The following PAN3 variants were observed in gnomAD, a reference collection of about 807,000 sequenced individuals.
PAN3 encodes PAN2-PAN3 deadenylation complex subunit PAN3.
In PAN3, 19 loss-of-function variants were observed where a neutral mutation model predicts 96.2. The ratio of observed to expected loss-of-function variants is 0.20; its 90% CI spans 0.14 to 0.29. The LOEUF (loss-of-function observed/expected upper bound fraction) is 0.29. Ranked by LOEUF, PAN3 falls within the 10% of genes least tolerant of loss-of-function variation. PAN3 has a pLI of 1.00. For missense variants in PAN3, 882 were observed against 1,108.1 expected (o/e 0.80, Z 2.90); for synonymous variants, 433 against 406.6 (o/e 1.06, Z -0.78).
chr13:28,139,514 T>TTGTGTGTGTGTGTGTGTGTGTGTGTGTG (rs10577740), intron 1 of PAN3, among the ~76,000 whole-genome samples: 1 of 93,100 alleles, frequency 1.1e-5, no homozygotes, highest in African/African-American at 5.2e-5. Flanking sequence ...AGGGGTGTGT[T>TTGTGTGTGTGTGTGTGTGTGTGTGTGTG]TGTGTGTGTG....
At chr13:28,267,568 G>A (rs932507364) in intron 12 of PAN3, among the ~76,000 whole-genome samples, 167 bp downstream of exon 12, 21 of 152,104 alleles carry the variant, frequency 1.4e-4, no homozygotes, top group African/African-American at 4.6e-4. Context: ...AGACATACCC[G>A]AGACTGGGCA....
intron 1 of PAN3, among the ~76,000 whole-genome samples, chr13:28,149,734 G>A (rs1871123701): frequency 6.6e-6 from 1 of 152,082 alleles, no homozygotes; most frequent in South Asian, 2.1e-4. Context: ...TCTTGCCTCA[G>A]CCTCCTTAGT....
chr13:28,152,873 A>G (rs1360400042), intron 1 of PAN3, among the ~76,000 whole-genome samples: 1 of 152,216 alleles, frequency 6.6e-6, no homozygotes, highest in Non-Finnish European at 1.5e-5. Flanking sequence ...TTTCAAGTTG[A>G]TAAGAGCACA....
chr13:28,280,393 C>A lies in PAN3; in HGVS notation c.2190-19C>A. 6.3e-7 allele frequency: 1 copy of A among 1,589,246 alleles called. No homozygotes were observed. Among genetic ancestry groups the A allele is most frequent in the Non-Finnish European group, 8.6e-7 (1 of 1,168,712 alleles). Reference sequence around the variant, plus strand: ...TTGCATGTTGGACATCCAAGTAATTCCTCTTTTATCTTGGGTAGGTATTTG... The same window carrying A: ...TTGCATGTTGGACATCCAAGTAATTACTCTTTTATCTTGGGTAGGTATTTG... On this transcript the variant is annotated intron_variant, in intron 15 of 18. Coordinates refer to ENST00000380958, the MANE Select transcript of PAN3 (RefSeq NM_175854.8).
intron 16 of PAN3, 148 bp downstream of exon 16, chr13:28,280,689 G>A (rs770248033): frequency 3.0e-6 from 2 of 674,794 alleles, no homozygotes; most frequent in Non-Finnish European, 4.6e-6. Flanking sequence ...AGCCTCCCAA[G>A]TAGCTGGGAT....
chr13:28,145,500 C>T (rs1870514534), intron 1 of PAN3, among the ~76,000 whole-genome samples: 1 of 150,732 alleles, frequency 6.6e-6, no homozygotes, highest in Non-Finnish European at 1.5e-5. Flanking sequence ...AATTTCTTTG[C>T]CTTTTTAGTA....
chr13:28,263,601 G>C (rs925724255), intron 9 of PAN3, among the ~76,000 whole-genome samples: 2 of 152,300 alleles, frequency 1.3e-5, no homozygotes, highest in East Asian at 3.9e-4. Context: ...AGAGTGCTGG[G>C]ATTACAGGCA....
At position 28,220,333 on chromosome 13, in the gene PAN3, T is replaced by C; in HGVS notation, c.955T>C (p.Ser319Pro). Residue 319 changes from serine (S) to proline (P), a missense_variant, in exon 6 of 19, where the codon TCT becomes CCT. Transcript: ENST00000380958. ...TATGTCTGCCTTCTCTCAAGTTTTC[T>C]CTCACCCATCCATGGGAAGCCCTGC... ...SNMSAFSQVF[S>P]HPSMGSPATA... 3 of 1,613,846 alleles carry C rather than the reference T, an allele frequency of 1.9e-6. No individual in the cohort carries two copies. Among genetic ancestry groups the C allele is most frequent in the Non-Finnish European group, 8.5e-7 (1 of 1,179,790 alleles).
At chr13:28,184,860 C>G (rs1876260826) in intron 4 of PAN3, among the ~76,000 whole-genome samples, 1 of 152,072 alleles carries the variant, frequency 6.6e-6, no homozygotes, top group African/African-American at 2.4e-5. Flanking sequence ...GGTCTTTGTA[C>G]ATTAGAGATG....
intron 4 of PAN3, among the ~76,000 whole-genome samples, chr13:28,188,072 A>G (rs1876722252): frequency 6.6e-6 from 1 of 152,254 alleles, no homozygotes; most frequent in Admixed American, 6.5e-5. Flanking sequence ...GAAAAATAGT[A>G]GTATACAAAT....
chr13:28,221,304 T>C (rs1235266380), intron 6 of PAN3, among the ~76,000 whole-genome samples: 3 of 151,766 alleles, frequency 2.0e-5, no homozygotes, highest in Admixed American at 2.0e-4. Context: ...CAAATTAGGC[T>C]TCTAGAACCT....
At chr13:28,228,296 T>C (rs1356758414) in intron 6 of PAN3, among the ~76,000 whole-genome samples, 1 of 152,204 alleles carries the variant, frequency 6.6e-6, no homozygotes, top group Admixed American at 6.5e-5. Flanking sequence ...TTCTTATTCT[T>C]ACTGCCTTTC....
intron 9 of PAN3, among the ~76,000 whole-genome samples, chr13:28,262,120 A>G (rs539780042): frequency 1.3e-5 from 2 of 152,254 alleles, no homozygotes; most frequent in African/African-American, 2.4e-5. Context: ...ATTTCTCACA[A>G]ACATCCTGTG....
intron 5 of PAN3, among the ~76,000 whole-genome samples, chr13:28,206,702 CT>C (rs762063037): frequency 1.3e-5 from 2 of 151,070 alleles, no homozygotes; most frequent in African/African-American, 4.9e-5. Flanking sequence ...TTTTTTGAAA[CT>C]TTTATTTTCT....
chr13:28,257,779 T>TA (rs983945380), intron 7 of PAN3, among the ~76,000 whole-genome samples: 8 of 138,670 alleles, frequency 5.8e-5, no homozygotes, highest in East Asian at 3.9e-4. Context: ...ATATATAAAT[T>TA]ATATATAATA....
At chr13:28,188,464 G>C (rs1876780265) in intron 4 of PAN3, among the ~76,000 whole-genome samples, 1 of 152,164 alleles carries the variant, frequency 6.6e-6, no homozygotes, top group Non-Finnish European at 1.5e-5. Context: ...AATGGAGCAT[G>C]GTGGTGTGCA....
intron 7 of PAN3, among the ~76,000 whole-genome samples, chr13:28,257,639 A>G (rs2138593514): frequency 6.9e-6 from 1 of 145,234 alleles, no homozygotes; most frequent in African/African-American, 2.5e-5. Context: ...CTATAAATAT[A>G]TTGTAAAATA....
At chr13:28,140,909 G>C (rs7323915) in intron 1 of PAN3, among the ~76,000 whole-genome samples, 44,402 of 151,832 alleles carry the variant, frequency 0.29, 9,263 homozygotes, top group African/African-American at 0.59. Context: ...TCAGGTTAAA[G>C]TTTTGCTGGA....
chr13:28,285,558 T>G (rs751912563), intron 17 of PAN3, among the ~76,000 whole-genome samples: 2 of 152,174 alleles, frequency 1.3e-5, no homozygotes, highest in Non-Finnish European at 2.9e-5. Context: ...TCTTGGAAAC[T>G]TAACGTCCTT....
Sources: gnomAD v4.1 joint callset for allele counts (sites outside exome capture counted in the v4.1 genomes callset) on GRCh38, gnomAD v4.1.1 for gene constraint, MANE v1.5 for transcripts, NCBI Gene and HGNC (gene_info 2026-07-23, HGNC 2026-07-21) for gene names.